Variants in NAA20 observed in about 807,000 individuals in gnomAD.
NAA20 encodes N-alpha-acetyltransferase 20, NatB catalytic subunit.
In NAA20, 24 loss-of-function variants were observed where a neutral mutation model predicts 23.8. That is an observed-to-expected ratio of 1.01 (90% CI 0.73 to 1.42). NAA20 has a LOEUF of 1.42. Ranked by LOEUF, NAA20 falls within the 40% of genes most tolerant of loss-of-function variation. The probability of loss-of-function intolerance (pLI) is 0.00; values close to 1 mark genes in which losing one functional copy is unlikely to be tolerated. For missense variants in NAA20, 166 were observed against 223.1 expected, an observed-to-expected ratio of 0.74 and a Z score of 1.63; for synonymous variants, 83 against 77.7, an observed-to-expected ratio of 1.07 and a Z score of -0.36.
Position 20,033,624 on chromosome 20 carries a change from T to C in NAA20, c.*437T>C, listed in dbSNP as rs1439863643. 6.5e-6 allele frequency: 1 copy of C among 153,108 alleles called. No individual in the cohort carries two copies. 9.5% of individuals were successfully genotyped at this position (153,108 alleles called of 1,614,324 possible). A position where few individuals can be genotyped will look rare whatever the true frequency, so the allele number is the denominator to read the frequency against. On this transcript the variant is annotated 3_prime_UTR_variant, in exon 6 of 6. Coordinates refer to ENST00000334982, the MANE Select transcript of NAA20 (RefSeq NM_016100.5). ...AAGATGTATAATACATTATTGACTC[T>C]ATGAATGTTTTCTGAAGTTTGTTAG... is the stretch of plus-strand genomic sequence containing the variant.
intron 1 of NAA20, chr20:20,018,200 G>T: frequency 1.1e-6 from 1 of 947,586 alleles, no homozygotes; most frequent in Non-Finnish European, 1.5e-6. Flanking sequence ...CTGATTTGCA[G>T]GTACCAATTT....
intron 1 of NAA20, chr20:20,018,424 G>A (rs1483667317): frequency 3.7e-5 from 8 of 218,102 alleles, no homozygotes; most frequent in African/African-American, 1.8e-4. Flanking sequence ...AAGTGGTTCC[G>A]ATTCAAGTGT....
chr20:20,025,686 C>G lies in NAA20; in HGVS notation c.88C>G (p.Pro30Ala). The part of the protein sequence containing the change: ...LDPLTETYGI[P>A]FYLQYLAHWP... ...CTTAACAGGACTCTAGTATGGGATT[C>G]CTTTCTACCTACAATACCTCGCCCA... The change falls in exon 3 of 6, where the codon CCT becomes GCT. Residue 30 changes from proline (P) to alanine (A), a missense_variant. Physicochemically the swap from Pro to Ala is conservative, Grantham distance 27. Transcript: ENST00000334982. 5 of 1,609,722 alleles carry G rather than the reference C, an allele frequency of 3.1e-6. 1 individual carries two copies. Among genetic ancestry groups the G allele is most frequent in the Non-Finnish European group, 4.3e-6 (5 of 1,176,040 alleles).
chr20:20,022,545 T>G (rs559384436), intron 2 of NAA20, 65 bp downstream of exon 2: 1 of 1,414,968 alleles, frequency 7.1e-7, no homozygotes, highest in South Asian at 1.3e-5. Context: ...AAAACAGAAA[T>G]GAAAGGAAAA....
At chr20:20,027,922 G>A (rs563084788) in intron 4 of NAA20, among the ~76,000 whole-genome samples, 1 of 152,156 alleles carries the variant, frequency 6.6e-6, no homozygotes, top group African/African-American at 2.4e-5. Context: ...TTTCTCCACT[G>A]TAATTTCCTA....
At chr20:20,031,556 G>A (rs1162532872) in intron 4 of NAA20, among the ~76,000 whole-genome samples, 2 of 151,954 alleles carry the variant, frequency 1.3e-5, no homozygotes, top group African/African-American at 4.8e-5. Context: ...GCTAAGGAAA[G>A]GATTCATATA....
chr20:20,028,120 C>T (rs947899336), intron 4 of NAA20, among the ~76,000 whole-genome samples: 1 of 152,070 alleles, frequency 6.6e-6, no homozygotes, highest in African/African-American at 2.4e-5. Context: ...AAAAAGAAGT[C>T]GGTGCTAATC....
chr20:20,017,724 C>A lies in NAA20; in HGVS notation c.53+275C>A, dbSNP rs568842450. ...TGCGAGCTGGCAGGTTCTGGGGCAG[C>A]GCTCGGGCCTCCGCTCGTGGTCGCT... On this transcript the variant is annotated intron_variant, in intron 1 of 5. Coordinates refer to ENST00000334982, the MANE Select transcript of NAA20 (RefSeq NM_016100.5). 6.3e-6 allele frequency: 9 copies of A among 1,429,836 alleles called. No individual in the cohort carries two copies. The African/African-American group carries it at 1.3e-4, about 21-fold the overall frequency. 88.6% of individuals were successfully genotyped at this position (1,429,836 alleles called of 1,614,324 possible).
In NAA20 at chr20:20,024,338, T is replaced by C. The variant is rs546874647; in HGVS notation, c.79-1339T>C. Among the ~76,000 whole-genome samples, 13 of 152,302 alleles carry C rather than the reference T, an allele frequency of 8.5e-5. No individual in the cohort carries two copies. In the East Asian group the frequency reaches 2.5e-3, roughly 29 times the overall value. On this transcript the variant is annotated intron_variant, in intron 2 of 5. Transcript: ENST00000334982. ...GTCCATTGTCAGGATACAGGCTATTTAAGGTGTCTCTTCACATAAAGAAAT... is the reference window on the plus strand; with the variant it reads ...GTCCATTGTCAGGATACAGGCTATTCAAGGTGTCTCTTCACATAAAGAAAT...
intron 2 of NAA20, among the ~76,000 whole-genome samples, chr20:20,024,981 A>G (rs979111037): frequency 3.3e-5 from 5 of 152,238 alleles, no homozygotes; most frequent in Non-Finnish European, 7.3e-5. Context: ...AGTAAAAAGA[A>G]GAAGAGAAAT....
chr20:20,024,469 G>A (rs2043293771), intron 2 of NAA20, among the ~76,000 whole-genome samples: 1 of 152,116 alleles, frequency 6.6e-6, no homozygotes, highest in African/African-American at 2.4e-5. Context: ...GGTTCATCTG[G>A]ATTTTTTAAA....
chr20:20,017,728 CG>C, intron 1 of NAA20: 1 of 1,430,694 alleles, frequency 7.0e-7, no homozygotes, highest in South Asian at 1.5e-5. Context: ...GGGCAGCGCT[CG>C]GGCCTCCGCT....
chr20:20,025,353 A>G (rs2043299992), intron 2 of NAA20, among the ~76,000 whole-genome samples: 1 of 152,060 alleles, frequency 6.6e-6, no homozygotes, highest in African/African-American at 2.4e-5. Context: ...CCGCAAACAA[A>G]CAATATCAGG....
chr20:20,020,463 G>T (rs967592355), intron 1 of NAA20, among the ~76,000 whole-genome samples: 7 of 152,192 alleles, frequency 4.6e-5, no homozygotes, highest in African/African-American at 1.7e-4. Flanking sequence ...TAGGAGGCAG[G>T]CCGCATGGCT....
chr20:20,028,991 G>A (rs191086167), intron 4 of NAA20, among the ~76,000 whole-genome samples: 3 of 152,076 alleles, frequency 2.0e-5, no homozygotes, highest in East Asian at 1.9e-4. Flanking sequence ...GTGCAGTGGC[G>A]TGATCTCAGC....
chr20:20,032,203 G>C (rs1268885921), intron 4 of NAA20, among the ~76,000 whole-genome samples: 1 of 151,844 alleles, frequency 6.6e-6, no homozygotes, highest in Non-Finnish European at 1.5e-5. Context: ...TCATAAACAG[G>C]AGAAACTGTA....
At chr20:20,033,017 CCT>C in intron 5 of NAA20, 83 bp from the exon 6 acceptor site, 1 of 1,090,380 alleles carries the variant, frequency 9.2e-7, no homozygotes, top group Non-Finnish European at 1.4e-6. Flanking sequence ...AGGGATAAAA[CCT>C]CTTATGGGAA....
At chr20:20,030,615 TAAA>T (rs1327007423) in intron 4 of NAA20, among the ~76,000 whole-genome samples, 14 of 151,964 alleles carry the variant, frequency 9.2e-5, no homozygotes, top group African/African-American at 3.4e-4. Flanking sequence ...TATGATTATA[TAAA>T]TATAAAATCC....
chr20:20,025,632 C>CTT, intron 2 of NAA20, 45 bp from the exon 3 acceptor site: 1 of 1,438,848 alleles, frequency 7.0e-7, no homozygotes, highest in East Asian at 2.3e-5. Context: ...TAATGAAGAA[C>CTT]TTTTTACTGT....
Sources: allele counts gnomAD v4.1 joint callset (sites outside exome capture counted in the v4.1 genomes callset), GRCh38; gene constraint gnomAD v4.1.1; transcripts MANE v1.5; gene names NCBI Gene and HGNC (gene_info 2026-07-23, HGNC 2026-07-21).